The following PNCK variants were observed in gnomAD, a reference collection of about 807,000 sequenced individuals.
PNCK encodes pregnancy up-regulated nonubiquitous CaM kinase, also known as calcium/calmodulin-dependent protein kinase type 1B.
PNCK carries 21 observed loss-of-function variants against 28.3 expected under a neutral mutation model. The ratio of observed to expected loss-of-function variants is 0.74; its 90% CI spans 0.53 to 1.07. The LOEUF is 1.07. Among genes scored for constraint, PNCK ranks in the 50% least tolerant of loss-of-function variants. The pLI is 0.00. For missense variants in PNCK, 250 were observed against 298.3 expected, an observed-to-expected ratio of 0.84 and a Z score of 1.19; for synonymous variants, 136 against 125.2, an observed-to-expected ratio of 1.09 and a Z score of -0.58.
upstream of PNCK, among the ~76,000 whole-genome samples, chrX:153,676,539 C>T (rs782711702): frequency 7.2e-5 from 8 of 111,343 alleles, no homozygotes; most frequent in African/African-American, 2.3e-4. Context: ...GTACCCTTTC[C>T]GCAGAAAGTT....
chrX:153,672,977 ACACAC>A (rs782784522), intron 2 of PNCK, 27 bp downstream of exon 2: 1 of 1,148,478 alleles, frequency 8.7e-7, no homozygotes, highest in African/African-American at 1.9e-5. Flanking sequence ...ACACACACAC[ACACAC>A]GATCACACAC....
At chrX:153,687,607 G>A (rs369550602), upstream of PNCK, 60 of 312,803 alleles carry the variant, frequency 1.9e-4, no homozygotes, top group East Asian at 2.8e-3. Context: ...GGGCCCGGGG[G>A]ACGTCTTCCC....
At chrX:153,673,638 G>A (rs782445723) in intron 1 of PNCK, 142 bp downstream of exon 1, 3 of 321,789 alleles carry the variant, frequency 9.3e-6, no homozygotes, top group Admixed American at 1.8e-4. Context: ...CGCGTCCCGA[G>A]CTGCGTGGAC....
chrX:153,672,497 T>C, intron 3 of PNCK, 69 bp downstream of exon 3: 1 of 1,168,050 alleles, frequency 8.6e-7, no homozygotes, highest in Admixed American at 2.3e-5. Context: ...AGGCCTGGAC[T>C]AGAGCCAAGG....
At chrX:153,684,855 C>T (rs781885171) in intron 1 of PNCK, among the ~76,000 whole-genome samples, 1 of 88,514 alleles carries the variant, frequency 1.1e-5, no homozygotes, top group African/African-American at 4.2e-5. Flanking sequence ...CTCCTCCCCT[C>T]TCCCTCCTCC....
rs2091319163 is a variant in PNCK, at chrX:153,672,661, C to T, written c.105G>A (p.Arg35=). The T allele has an allele frequency of 3.3e-6, 4 of 1,203,267 alleles. No homozygotes were observed. The highest frequency in any genetic ancestry group is 4.5e-6 in the Non-Finnish European group (4 of 894,536). The change falls in exon 3 of 12, where the codon CGG becomes CGA. Residue 35 remains arginine (R), a synonymous_variant. Coordinates refer to ENST00000340888, the MANE Select transcript of PNCK (RefSeq NM_001366977.1). ...TGAGGGCCACGAGGTGTGCGGAGCC[C>T]CGCTCCTGGGCCAGCACCACCTCGG... ...AFSEVVLAQE[R]GSAHLVALKC...
At chrX:153,671,402 G>T (rs781895157) in intron 6 of PNCK, 42 bp from the exon 7 acceptor site, 2 of 1,211,817 alleles carry the variant, frequency 1.7e-6, no homozygotes, top group Admixed American at 4.3e-5. Context: ...AGGCACACAC[G>T]CAGCCATGCC....
chrX:153,681,224 C>T (rs1295355143), intron 1 of PNCK, among the ~76,000 whole-genome samples: 2 of 111,650 alleles, frequency 1.8e-5, no homozygotes, highest in African/African-American at 6.5e-5. Context: ...ACAGACAACA[C>T]TCCTGCACAG....
intron 1 of PNCK, among the ~76,000 whole-genome samples, chrX:153,683,048 G>T (rs1557042652): frequency 8.9e-6 from 1 of 112,723 alleles, no homozygotes; most frequent in African/African-American, 3.2e-5. Context: ...ACCAGGCCCA[G>T]CCGAGAAAGA....
upstream of PNCK, chrX:153,674,298 G>A: frequency 2.1e-6 from 2 of 943,813 alleles, no homozygotes; most frequent in Non-Finnish European, 2.9e-6. Context: ...CTACCCAGCA[G>A]CCAGAGCATT....
At chrX:153,673,626 C>T in intron 1 of PNCK, 154 bp downstream of exon 1, 4 of 305,937 alleles carry the variant, frequency 1.3e-5, no homozygotes, top group Non-Finnish European at 1.3e-5. Flanking sequence ...GCCTGGGCCG[C>T]CCGCGTCCCG....
At chrX:153,674,138 C>T (rs782178486), upstream of PNCK, 19 of 1,208,589 alleles carry the variant, frequency 1.6e-5, no homozygotes, top group South Asian at 3.0e-4. Context: ...TCTCCGAGGA[C>T]AGGCTGACCC....
At chrX:153,678,317 G>A (rs1731934601), upstream of PNCK, among the ~76,000 whole-genome samples, 1 of 110,666 alleles carries the variant, frequency 9.0e-6, no homozygotes, top group East Asian at 2.9e-4. Context: ...AGCCAGGCAT[G>A]GTGGTGCATG....
At chrX:153,684,842 C>T (rs1418408875) in intron 1 of PNCK, among the ~76,000 whole-genome samples, 8 of 89,882 alleles carry the variant, frequency 8.9e-5, no homozygotes, top group African/African-American at 2.9e-4. Flanking sequence ...CCCAGCTCCC[C>T]TTCTCCTCCC....
upstream of PNCK, chrX:153,674,483 C>G (rs1603206463): frequency 4.5e-6 from 1 of 221,319 alleles, no homozygotes; most frequent in Non-Finnish European, 8.2e-6. Context: ...GAATGTTCTT[C>G]GATCAGATAT....
At chrX:153,673,252 C>T (rs2091335527) in intron 1 of PNCK, 174 bp from the exon 2 acceptor site, 2 of 1,196,183 alleles carry the variant, frequency 1.7e-6, no homozygotes. Context: ...GCGAGGCCAC[C>T]GCATACACGC....
At chrX:153,677,097 G>A (rs913662203), upstream of PNCK, among the ~76,000 whole-genome samples, 9 of 110,328 alleles carry the variant, frequency 8.2e-5, no homozygotes, top group African/African-American at 3.0e-4. Context: ...CCGCCACCAC[G>A]CTGGGCTAAT....
rs782518660 is a variant in PNCK, at chrX:153,672,977, AC to A, written c.68+31del. The A allele has an allele frequency of 1.7e-5, 19 of 1,146,477 alleles. No homozygotes were observed. In the African/African-American group the frequency reaches 3.4e-4, roughly 20 times the overall value. The allele number at this position is 1,146,477 out of a possible 1,213,427, so 94.5% of individuals were successfully genotyped here. On this transcript the variant is annotated intron_variant, in intron 2 of 11. Transcript: ENST00000340888. The stretch of plus-strand genomic sequence containing the variant: ...GGTACACACACACACACACACACAC[AC>A]ACACGATCACACACGCGCGCGCACA...
intron 1 of PNCK, among the ~76,000 whole-genome samples, chrX:153,686,153 C>T (rs1027242193): frequency 8.1e-5 from 9 of 111,696 alleles, no homozygotes; most frequent in African/African-American, 2.9e-4. Context: ...CCCTCTGCCT[C>T]GGCCTCCTCT....
Sources: allele counts gnomAD v4.1 joint callset (sites outside exome capture counted in the v4.1 genomes callset), GRCh38; gene constraint gnomAD v4.1.1; transcripts MANE v1.5; gene names NCBI Gene and HGNC (gene_info 2026-07-23, HGNC 2026-07-21).